CFAP157: variants seen among roughly 807,000 people sequenced by gnomAD.
The protein encoded by CFAP157 is cilia and flagella associated protein 157.
In CFAP157, 43 loss-of-function variants were observed where a neutral mutation model predicts 57.8. The observed-to-expected ratio is 0.74, with a 90% CI of 0.58 to 0.96. CFAP157 has a LOEUF of 0.96. Among genes scored for constraint, CFAP157 ranks in the 40% least tolerant of loss-of-function variants. The probability of loss-of-function intolerance (pLI) is 0.00; values close to 1 mark genes in which losing one functional copy is unlikely to be tolerated. For synonymous variants in CFAP157, 267 were observed against 269.0 expected (o/e 0.99, Z 0.07); for missense variants, 606 against 655.3 (o/e 0.92, Z 0.82).
chr9:127,711,519 A>G (rs1201749492), intron 4 of CFAP157, 23 bp downstream of exon 4: 1 of 1,604,530 alleles, frequency 6.2e-7, no homozygotes, highest in South Asian at 1.1e-5. Context: ...GCCTCAGCAC[A>G]GGGCATTTGG....
Position 127,711,416 on chromosome 9 carries a change from C to T in CFAP157, c.775C>T (p.Gln259Ter), listed in dbSNP as rs199787134. The T allele has an allele frequency of 3.2e-5, 51 of 1,614,056 alleles. No homozygotes were observed. The highest frequency in any genetic ancestry group is 1.6e-4 in the Middle Eastern group (1 of 6,084). Residue 259 changes from glutamine to a stop codon, truncating the protein, a stop_gained, in exon 4 of 9, where the codon CAG becomes TAG. Coordinates refer to ENST00000373295, the MANE Select transcript of CFAP157 (RefSeq NM_001012502.3). LOFTEE classifies it high-confidence loss of function. ...LQENEQLKGR[Q>*]NNLCKQLELL... ...GGAGAATGAGCAGCTCAAGGGAAGA[C>T]AGAACAATCTGTGCAAACAGCTGGA...
At chr9:127,710,502 C>G in intron 2 of CFAP157, 99 bp from the exon 3 acceptor site, 4 of 1,417,550 alleles carry the variant, frequency 2.8e-6, no homozygotes, top group South Asian at 1.3e-5. Context: ...ACAGGGCGCA[C>G]AGGAAGGGAC....
At chr9:127,711,176 C>G (rs1588392592) in intron 3 of CFAP157, 53 bp from the exon 4 acceptor site, 1 of 1,587,428 alleles carries the variant, frequency 6.3e-7, no homozygotes, top group East Asian at 2.3e-5. Context: ...GGGGTGTGCC[C>G]AGGGCTTGTG....
chr9:127,713,429 C>T, intron 8 of CFAP157: 1 of 483,230 alleles, frequency 2.1e-6, no homozygotes, highest in East Asian at 3.3e-5. Context: ...CTGTTCTTCC[C>T]TCCCCCACCA....
chr9:127,712,625 A>G, intron 6 of CFAP157, 84 bp from the exon 7 acceptor site: 1 of 1,609,406 alleles, frequency 6.2e-7, no homozygotes. Flanking sequence ...CTTCGTGGAA[A>G]TGGGCACTGA....
rs766063958 is a variant in CFAP157 at position 127,714,449 on chromosome 9, T to G, written c.*544T>G. The G allele has an allele frequency of 3.7e-6, 6 of 1,613,558 alleles. No homozygotes were observed. Among genetic ancestry groups the G allele is most frequent in the Non-Finnish European group, 5.1e-6 (6 of 1,179,498 alleles). Reference sequence around the variant, plus strand: ...CCTTCAAGGGATATGGGAGGGGCAGTTAGTGCCTCCCTGGGGCAGTGTCCT... The same window carrying G: ...CCTTCAAGGGATATGGGAGGGGCAGGTAGTGCCTCCCTGGGGCAGTGTCCT... On this transcript the variant is annotated 3_prime_UTR_variant, in exon 9 of 9. Transcript: ENST00000373295.
At position 127,714,307 on chromosome 9, in the gene CFAP157, G is replaced by A. The variant is rs1162818560; in HGVS notation, c.*402G>A. On this transcript the variant is annotated 3_prime_UTR_variant, in exon 9 of 9. Coordinates refer to ENST00000373295, the MANE Select transcript of CFAP157 (RefSeq NM_001012502.3). ...CCTGTGGGAGAGCCAGAGAGGCCCA[G>A]GAAGCTTTGGCGAGGTGCTGGGGGA... The A allele has an allele frequency of 1.2e-6, 2 of 1,613,956 alleles. No homozygotes were observed. The highest frequency in any genetic ancestry group is 2.2e-5 in the East Asian group (1 of 44,898).
rs563958502 is a variant in CFAP157 at position 127,710,052 on chromosome 9, T to C, written c.433+359T>C. ...CTTTAGGAGGCCAAGGCGGGAGGATTGCTTGAGCCCAGGAGCTTGAGACAA... is the reference window on the plus strand; with the variant it reads ...CTTTAGGAGGCCAAGGCGGGAGGATCGCTTGAGCCCAGGAGCTTGAGACAA... On this transcript the variant is annotated intron_variant, in intron 2 of 8. Coordinates refer to ENST00000373295, the MANE Select transcript of CFAP157 (RefSeq NM_001012502.3). Among the ~76,000 whole-genome samples the C allele has an allele frequency of 5.9e-5, 9 of 152,264 alleles. No individual in the cohort carries two copies. The East Asian group carries it at 1.7e-3, about 29-fold the overall frequency.
rs1262457094 is a variant in CFAP157 at position 127,709,834 on chromosome 9, C to T, written c.433+141C>T. 7.8e-6 allele frequency: 8 copies of T among 1,030,346 alleles called. No individual in the cohort carries two copies. The highest frequency in any genetic ancestry group is 2.7e-5 in the Admixed American group (1 of 36,808). The allele number at this position is 1,030,346 out of a possible 1,614,324, so 63.8% of individuals were successfully genotyped here. A position where few individuals can be genotyped will look rare whatever the true frequency, so the allele number is the denominator to read the frequency against. ...TTCCTTAATTGTCCCAGCAATCCTACGAAGCTGGAAACATCCCCCAACCAG... is the reference window on the plus strand; with the variant it reads ...TTCCTTAATTGTCCCAGCAATCCTATGAAGCTGGAAACATCCCCCAACCAG... On this transcript the variant is annotated intron_variant, in intron 2 of 8. Coordinates refer to ENST00000373295, the MANE Select transcript of CFAP157 (RefSeq NM_001012502.3). The surrounding 1 kb of genome is among the most constrained non-coding windows in gnomAD (Gnocchi z 4.7).
At chr9:127,713,282 C>T in intron 8 of CFAP157, 76 bp downstream of exon 8, 4 of 1,122,896 alleles carry the variant, frequency 3.6e-6, no homozygotes, top group Non-Finnish European at 3.8e-6. Flanking sequence ...TGCCAGGCCA[C>T]AGCTGTGTGG....
At position 127,715,120 on chromosome 9, in the gene CFAP157, C is replaced by T. The variant is rs1434686418; in HGVS notation, c.*1215C>T. The T allele has an allele frequency of 3.9e-6, 6 of 1,535,088 alleles. No homozygotes were observed. Among genetic ancestry groups the T allele is most frequent in the Non-Finnish European group, 5.2e-6 (6 of 1,146,366 alleles). On this transcript the variant is annotated 3_prime_UTR_variant, in exon 9 of 9. Transcript: ENST00000373295. The surrounding 1 kb of genome is among the most constrained non-coding windows in gnomAD (Gnocchi z 5.8). ...AACTCTCCGCCACACCCAGCCGCCG[C>T]GCCAGCTGCCCCAGCACCGCCATGC... is the stretch of plus-strand genomic sequence containing the variant.
At chr9:127,713,472 C>T in intron 8 of CFAP157, 2 of 437,774 alleles carry the variant, frequency 4.6e-6, no homozygotes, top group African/African-American at 4.2e-5. Flanking sequence ...CTGAAGAGGC[C>T]TCAGCTTCCA....
In CFAP157 at chr9:127,715,150, G is replaced by A. The variant is rs1842922579; in HGVS notation, c.*1245G>A. 1 of 1,536,162 alleles carries A rather than the reference G, an allele frequency of 6.5e-7. No individual in the cohort carries two copies. Among genetic ancestry groups the A allele is most frequent in the Middle Eastern group, 1.7e-4 (1 of 5,836 alleles). ...GCTGCCCCAGCACCGCCATGCCCACGCTGTGTCGCGTGCCGGGCAGTCCGG... is the reference window on the plus strand; with the variant it reads ...GCTGCCCCAGCACCGCCATGCCCACACTGTGTCGCGTGCCGGGCAGTCCGG... On this transcript the variant is annotated 3_prime_UTR_variant, in exon 9 of 9. Coordinates refer to ENST00000373295, the MANE Select transcript of CFAP157 (RefSeq NM_001012502.3). This position sits in a 1 kb window ranked among gnomAD's most constrained non-coding sequence, Gnocchi z 5.8.
Position 127,713,203 on chromosome 9 carries a change from T to C in CFAP157, c.1488T>C (p.Pro496=). ...RVGTFRAHSS[P]EMRAPGSLKR... ...GGACCTTCCGGGCACACAGCAGCCC[T>C]GAGGTGAGGGTGCCAGGGGCCCCAG... The change falls in exon 8 of 9, where the codon CCT becomes CCC. Residue 496 remains proline, a synonymous_variant. Transcript: ENST00000373295. 6.5e-7 allele frequency: 1 copy of C among 1,527,810 alleles called. No individual in the cohort carries two copies. The highest frequency in any genetic ancestry group is 1.3e-5 in the South Asian group (1 of 77,310). The allele number at this position is 1,527,810 out of a possible 1,614,324, so 94.6% of individuals were successfully genotyped here.
chr9:127,711,857 A>C lies in CFAP157; in HGVS notation c.893A>C (p.Gln298Pro). Reference sequence around the variant, plus strand: ...CTGACTAAGAAGTGCCAGGAGCAGCAGCAGGACACCAAGGAGGCCGAGGAG... The same window carrying C: ...CTGACTAAGAAGTGCCAGGAGCAGCCGCAGGACACCAAGGAGGCCGAGGAG... ...LMLTKKCQEQ[Q>P]QDTKEAEELR... Residue 298 changes from glutamine (Q) to proline (P), a missense_variant, in exon 5 of 9, where the codon CAG (glutamine) becomes CCG (proline). By Grantham distance (76) the Gln-to-Pro change is moderately conservative. Transcript: ENST00000373295. 4 of 1,581,078 alleles carry C rather than the reference A, an allele frequency of 2.5e-6. No individual in the cohort carries two copies. Among genetic ancestry groups the C allele is most frequent in the Non-Finnish European group, 3.4e-6 (4 of 1,164,246 alleles).
intron 7 of CFAP157, 55 bp from the exon 8 acceptor site, chr9:127,712,965 G>C: frequency 1.9e-6 from 3 of 1,598,920 alleles, no homozygotes; most frequent in Non-Finnish European, 2.6e-6. Flanking sequence ...GGCTCACCCT[G>C]GGCCAGAAAC....
chr9:127,709,303 C>A lies in CFAP157; in HGVS notation c.162-119C>A. On this transcript the variant is annotated intron_variant, in intron 1 of 8. Coordinates refer to ENST00000373295, the MANE Select transcript of CFAP157 (RefSeq NM_001012502.3). The surrounding 1 kb of genome is among the most constrained non-coding windows in gnomAD (Gnocchi z 4.7). ...GTGGGAGATGAGGCTGGATTCTGAT[C>A]ACAAGGAAACTCAAATGCCCCTTTA... 9.3e-7 allele frequency: 1 copy of A among 1,076,814 alleles called. No individual in the cohort carries two copies. The highest frequency in any genetic ancestry group is 1.3e-6 in the Non-Finnish European group (1 of 753,726). The allele number at this position is 1,076,814 out of a possible 1,614,324, so 66.7% of individuals were successfully genotyped here.
In CFAP157 at chr9:127,709,488, G is replaced by A. The variant is rs1842714859; in HGVS notation, c.228G>A (p.Leu76=). The A allele has an allele frequency of 1.2e-5, 20 of 1,614,066 alleles. No individual in the cohort carries two copies. Among genetic ancestry groups the A allele is most frequent in the Non-Finnish European group, 1.7e-5 (20 of 1,180,024 alleles). Residue 76 remains leucine, a synonymous_variant, in exon 2 of 9, where the codon CTG becomes CTA. Transcript: ENST00000373295. The surrounding 1 kb of genome is among the most constrained non-coding windows in gnomAD (Gnocchi z 4.7). ...TGTTCCGCCAGGAGTTTGAGCAGCT[G>A]GCCAATAACAAGAAGGAGATTGTGG... The part of the protein sequence containing the change: ...EKMFRQEFEQ[L]ANNKKEIVAF...
intron 4 of CFAP157, 144 bp downstream of exon 4, chr9:127,711,640 C>G (rs1842767389): frequency 8.3e-7 from 1 of 1,205,710 alleles, no homozygotes; most frequent in Admixed American, 2.5e-5. Flanking sequence ...GTGGGGGCTG[C>G]AGGGTGCTGG....
Sources: allele counts gnomAD v4.1 joint callset (sites outside exome capture counted in the v4.1 genomes callset), GRCh38; gene constraint gnomAD v4.1.1; non-coding constraint Gnocchi (gnomAD v3.1); transcripts MANE v1.5; gene names NCBI Gene and HGNC (gene_info 2026-07-23, HGNC 2026-07-21).